Variants in ANKRD45 observed in about 807,000 individuals in gnomAD.
ANKRD45 encodes the protein ankyrin repeat domain 45.
Under a neutral mutation model 28.1 loss-of-function variants are expected in ANKRD45, and 21 were observed. The observed-to-expected ratio is 0.75, with a 90% CI of 0.53 to 1.08. The LOEUF is 1.08. Among genes scored for constraint, ANKRD45 ranks in the 50% least tolerant of loss-of-function variants. The pLI, the probability that ANKRD45 is intolerant of heterozygous loss-of-function variation, is 0.00. For missense variants in ANKRD45, 261 were observed against 308.7 expected, an observed-to-expected ratio of 0.85 and a Z score of 1.16; for synonymous variants, 86 against 103.9, an observed-to-expected ratio of 0.83 and a Z score of 1.05.
intron 5 of ANKRD45, among the ~76,000 whole-genome samples, chr1:173,619,449 C>A (rs1020538713): frequency 1.3e-5 from 2 of 152,032 alleles, no homozygotes; most frequent in Non-Finnish European, 2.9e-5. Context: ...GGAAAACTTA[C>A]CAAGCAAATG....
At chr1:173,653,529 A>G (rs1056315261) in intron 2 of ANKRD45, among the ~76,000 whole-genome samples, 1 of 152,134 alleles carries the variant, frequency 6.6e-6, no homozygotes, top group Non-Finnish European at 1.5e-5. Context: ...TATGTGGTCA[A>G]TTTTAGAATA....
At chr1:173,634,584 T>G (rs924181783) in intron 3 of ANKRD45, among the ~76,000 whole-genome samples, 1 of 151,946 alleles carries the variant, frequency 6.6e-6, no homozygotes, top group Non-Finnish European at 1.5e-5. Context: ...CTCACATATC[T>G]TTTTCTGCAA....
At chr1:173,715,167 G>A in the ANKRD45 span, 4 of 152,520 alleles carry the variant, frequency 2.6e-5, no homozygotes, top group East Asian at 7.7e-4. Flanking sequence ...TTGCTGAGCT[G>A]CCCCATGGGG....
At chr1:173,628,484 C>T (rs1344205882) in intron 3 of ANKRD45, among the ~76,000 whole-genome samples, 3 of 152,090 alleles carry the variant, frequency 2.0e-5, no homozygotes, top group African/African-American at 7.2e-5. Context: ...TGAATACCAG[C>T]AGTAGCCAGG....
intron 4 of ANKRD45, among the ~76,000 whole-genome samples, chr1:173,625,697 A>G (rs1268289105): frequency 2.0e-5 from 3 of 151,830 alleles, no homozygotes; most frequent in Admixed American, 1.3e-4. Context: ...AAGGAAAAAA[A>G]GTAAAATTAA....
chr1:173,696,851 G>A, the ANKRD45 span, among the ~76,000 whole-genome samples: 2 of 152,036 alleles, frequency 1.3e-5, no homozygotes, highest in African/African-American at 4.8e-5. Context: ...CAGAAGGTCG[G>A]TAATAATAAA....
the ANKRD45 span, among the ~76,000 whole-genome samples, chr1:173,677,776 A>T: frequency 4.0e-5 from 6 of 151,424 alleles, no homozygotes; most frequent in East Asian, 1.9e-4. Flanking sequence ...CCTTAATTTT[A>T]AAAAAAAACA....
At chr1:173,682,653 G>C in the ANKRD45 span, among the ~76,000 whole-genome samples, 1 of 148,166 alleles carries the variant, frequency 6.7e-6, no homozygotes, top group Non-Finnish European at 1.5e-5. Context: ...GAGGTTCTAG[G>C]AGAGGGAAAA....
At chr1:173,700,322 T>C in the ANKRD45 span, among the ~76,000 whole-genome samples, 2 of 152,096 alleles carry the variant, frequency 1.3e-5, no homozygotes, top group South Asian at 4.1e-4. Flanking sequence ...AAAAAACTAC[T>C]TTAAAGTTCA....
At chr1:173,647,919 G>A (rs1307418180) in intron 2 of ANKRD45, among the ~76,000 whole-genome samples, 1 of 151,976 alleles carries the variant, frequency 6.6e-6, no homozygotes, top group Non-Finnish European at 1.5e-5. Context: ...GAGTAGCTGG[G>A]ACTATAGGCT....
At chr1:173,618,424 T>G (rs944374561) in intron 5 of ANKRD45, among the ~76,000 whole-genome samples, 1 of 152,072 alleles carries the variant, frequency 6.6e-6, no homozygotes, top group African/African-American at 2.4e-5. Context: ...AAAACCAGAA[T>G]AGCCAGTTTA....
intron 2 of ANKRD45, among the ~76,000 whole-genome samples, chr1:173,655,339 C>T (rs1669453387): frequency 6.6e-6 from 1 of 152,210 alleles, no homozygotes; most frequent in African/African-American, 2.4e-5. Flanking sequence ...AGTTTTCCTT[C>T]TAACAGTCAG....
At chr1:173,695,534 C>G in the ANKRD45 span, among the ~76,000 whole-genome samples, 129 of 152,268 alleles carry the variant, frequency 8.5e-4, 1 homozygote, top group South Asian at 2.1e-3. Flanking sequence ...GACATGATAT[C>G]ACTCTTTCTT....
chr1:173,636,610 T>A (rs981832423), intron 3 of ANKRD45, among the ~76,000 whole-genome samples: 1 of 152,206 alleles, frequency 6.6e-6, no homozygotes, highest in African/African-American at 2.4e-5. Context: ...GTGATAAGGA[T>A]CATACATGTG....
At chr1:173,676,073 T>C in the ANKRD45 span, among the ~76,000 whole-genome samples, 1 of 152,212 alleles carries the variant, frequency 6.6e-6, no homozygotes, top group Non-Finnish European at 1.5e-5. Flanking sequence ...AAAGGGACTG[T>C]GTAGAAAAAG....
chr1:173,614,078 G>A (rs1347839219), intron 5 of ANKRD45, among the ~76,000 whole-genome samples: 3 of 152,078 alleles, frequency 2.0e-5, no homozygotes, highest in South Asian at 2.1e-4. Flanking sequence ...CAGCAGACTC[G>A]CTAAGAGTCA....
chr1:173,704,268 A>G, the ANKRD45 span, among the ~76,000 whole-genome samples: 1 of 152,146 alleles, frequency 6.6e-6, no homozygotes, highest in Non-Finnish European at 1.5e-5. Context: ...CTCTTTCCCA[A>G]CTAGCACCCT....
intron 3 of ANKRD45, among the ~76,000 whole-genome samples, 182 bp downstream of exon 3, chr1:173,646,664 A>G (rs994872995): frequency 1.3e-5 from 2 of 152,210 alleles, no homozygotes; most frequent in African/African-American, 4.8e-5. Flanking sequence ...CCTAATAAAT[A>G]CAATGTTTAT....
At chr1:173,629,531 G>A (rs1668093916) in intron 3 of ANKRD45, among the ~76,000 whole-genome samples, 2 of 151,982 alleles carry the variant, frequency 1.3e-5, no homozygotes, top group South Asian at 4.1e-4. Context: ...ATGCATGAGA[G>A]TCTCTTAACA....
Sources: allele counts gnomAD v4.1 joint callset (sites outside exome capture counted in the v4.1 genomes callset), GRCh38; gene constraint gnomAD v4.1.1; transcripts MANE v1.5; gene names NCBI Gene and HGNC (gene_info 2026-07-23, HGNC 2026-07-21).